Variants in SYT14 observed in about 807,000 individuals in gnomAD.
SYT14 encodes synaptotagmin-14.
Under a neutral mutation model 74.2 loss-of-function variants are expected in SYT14, and 32 were observed. That is an observed-to-expected ratio of 0.43 (90% CI 0.33 to 0.58). SYT14 has a LOEUF of 0.58. Among genes scored for constraint, SYT14 ranks in the 20% least tolerant of loss-of-function variants. The pLI, the probability that SYT14 is intolerant of heterozygous loss-of-function variation, is 0.05. For synonymous variants in SYT14, 298 were observed against 337.7 expected (o/e 0.88, Z 1.29); for missense variants, 791 against 981.8 (o/e 0.81, Z 2.60).
chr1:210,080,223 T>G (rs1347492825), intron 5 of SYT14, among the ~76,000 whole-genome samples: 1 of 152,232 alleles, frequency 6.6e-6, no homozygotes, highest in Non-Finnish European at 1.5e-5. Context: ...GGAACACTTG[T>G]CATTTCATTT....
intron 5 of SYT14, among the ~76,000 whole-genome samples, chr1:210,062,413 A>G (rs530505416): frequency 1.3e-5 from 2 of 151,708 alleles, no homozygotes; most frequent in East Asian, 1.9e-4. Context: ...TTTTTTTTCT[A>G]ATTTGTCAAA....
chr1:210,134,258 A>T (rs577121512), intron 7 of SYT14, among the ~76,000 whole-genome samples: 1 of 151,976 alleles, frequency 6.6e-6, no homozygotes, highest in East Asian at 1.9e-4. Context: ...GCATGCCACC[A>T]CACCTGGCTA....
chr1:210,082,214 C>T (rs145729714), intron 5 of SYT14, among the ~76,000 whole-genome samples: 1 of 152,216 alleles, frequency 6.6e-6, no homozygotes, highest in Non-Finnish European at 1.5e-5. Flanking sequence ...GTATTGGAAA[C>T]GTAAATGTTT....
intron 5 of SYT14, among the ~76,000 whole-genome samples, chr1:210,068,450 A>G (rs1283698030): frequency 6.6e-6 from 1 of 151,388 alleles, no homozygotes; most frequent in East Asian, 1.9e-4. Context: ...GCTTTTTTTC[A>G]TTTCTCTAGA....
At chr1:210,167,618 AT>A in exon 10 of SYT14, 1 of 152,288 alleles carries the variant, frequency 6.6e-6, no homozygotes, top group South Asian at 2.1e-4. Flanking sequence ...GCTTATTTGA[AT>A]ATGTGAAATA....
intron 7 of SYT14, among the ~76,000 whole-genome samples, chr1:210,149,180 A>ATTTTT (rs34134939): frequency 7.4e-5 from 8 of 108,510 alleles, no homozygotes; most frequent in African/African-American, 2.7e-4. Context: ...TATAGCAGGA[A>ATTTTT]TTTTTTTTTT....
At chr1:210,091,565 C>T (rs1212847859) in intron 5 of SYT14, among the ~76,000 whole-genome samples, 1 of 152,110 alleles carries the variant, frequency 6.6e-6, no homozygotes, top group East Asian at 1.9e-4. Flanking sequence ...TGGCTCATGC[C>T]TATAGTTCCA....
intron 5 of SYT14, among the ~76,000 whole-genome samples, 154 bp from the exon 5 acceptor site, chr1:210,094,168 G>A (rs184290663): frequency 6.4e-4 from 97 of 152,124 alleles, no homozygotes; most frequent in African/African-American, 2.2e-3. Context: ...TTGTGCCTCT[G>A]AACTAGGGAA....
intron 9 of SYT14, 88 bp downstream of exon 8, chr1:210,159,565 A>G: frequency 1.7e-6 from 2 of 1,189,540 alleles, no homozygotes. Context: ...GCTGTCCACC[A>G]TGTTGGTTTC....
intron 2 of SYT14, among the ~76,000 whole-genome samples, chr1:210,009,843 T>G (rs1165379975): frequency 6.6e-6 from 1 of 152,174 alleles, no homozygotes; most frequent in Admixed American, 6.5e-5. Flanking sequence ...AATGCCTTTC[T>G]TCTCATATCC....
At position 210,000,613 on chromosome 1, in the gene SYT14, C is replaced by CTTTTTTTTTTTTTTTTTTTT. The variant is rs71146203; in HGVS notation, c.-485-13001_-485-13000insTTTTTTTTTTTTTTTTTTTT. Among the ~76,000 whole-genome samples, 57 of 105,418 alleles carry CTTTTTTTTTTTTTTTTTTTT rather than the reference C, an allele frequency of 5.4e-4. 8 individuals are homozygous for CTTTTTTTTTTTTTTTTTTTT. The highest frequency in any genetic ancestry group is 4.4e-3 in the Admixed American group (35 of 7,880). 69.2% of individuals were successfully genotyped at this position (105,418 alleles called of 152,430 possible). A position where few individuals can be genotyped will look rare whatever the true frequency, so the allele number is the denominator to read the frequency against. On this transcript the variant is annotated intron_variant, in intron 2 of 9. Coordinates refer to ENST00000637265, the Ensembl canonical transcript of SYT14. ...TTTCATTAGGGCTGTTTTATGCCTT[C>CTTTTTTTTTTTTTTTTTTTT]TTTTTTTTTTTTTTTTTTTGAGATA...
At chr1:210,157,363 G>A (rs1226925816) in intron 8 of SYT14, among the ~76,000 whole-genome samples, 1 of 151,690 alleles carries the variant, frequency 6.6e-6, no homozygotes, top group Non-Finnish European at 1.5e-5. Context: ...GATCGCTTGA[G>A]CCAGGGAGAT....
chr1:210,146,376 C>T (rs989088099), intron 7 of SYT14, among the ~76,000 whole-genome samples: 1 of 151,962 alleles, frequency 6.6e-6, no homozygotes, highest in Admixed American at 6.6e-5. Context: ...ATTATTTTTG[C>T]AACTGGCCTG....
intron 7 of SYT14, among the ~76,000 whole-genome samples, chr1:210,121,769 G>A (rs995834756): frequency 6.6e-6 from 1 of 151,170 alleles, no homozygotes; most frequent in Non-Finnish European, 1.5e-5. Flanking sequence ...ACTCTAGCCT[G>A]GGCGACAGAG....
chr1:210,074,999 G>T (rs1029231064), intron 5 of SYT14, among the ~76,000 whole-genome samples: 1 of 152,186 alleles, frequency 6.6e-6, no homozygotes, highest in Non-Finnish European at 1.5e-5. Context: ...CAGATTACAC[G>T]TGGGCTTGGA....
At chr1:210,147,005 C>T (rs1024684085) in intron 7 of SYT14, among the ~76,000 whole-genome samples, 3 of 151,900 alleles carry the variant, frequency 2.0e-5, no homozygotes, top group African/African-American at 7.3e-5. Flanking sequence ...AAGATGAACT[C>T]ACATTTTAAA....
At chr1:210,022,097 T>C (rs1477261330) in intron 5 of SYT14, among the ~76,000 whole-genome samples, 1 of 152,228 alleles carries the variant, frequency 6.6e-6, no homozygotes, top group Non-Finnish European at 1.5e-5. Flanking sequence ...ATCCTAGATA[T>C]CATTTTTATC....
Position 209,956,724 on chromosome 1 carries a change from A to G in SYT14, c.-486+3968A>G, listed in dbSNP as rs373245931. Among the ~76,000 whole-genome samples, 153 of 152,286 alleles carry G rather than the reference A, an allele frequency of 1.0e-3. No homozygotes were observed. In the Middle Eastern group the frequency reaches 0.01, roughly 10 times the overall value. On this transcript the variant is annotated intron_variant, in intron 2 of 9. Coordinates refer to ENST00000637265, the Ensembl canonical transcript of SYT14. ...TCCTTGCCATAGTCTTACATGCTCT[A>G]TATATGCTAATGGTGACCATCTGGA...
chr1:209,987,609 G>A (rs1482470225), intron 2 of SYT14, among the ~76,000 whole-genome samples: 1 of 152,136 alleles, frequency 6.6e-6, no homozygotes, highest in Non-Finnish European at 1.5e-5. Flanking sequence ...CTCCAACACT[G>A]GTAATTACAT....
Sources: allele counts gnomAD v4.1 joint callset (sites outside exome capture counted in the v4.1 genomes callset), GRCh38; gene constraint gnomAD v4.1.1; transcripts MANE v1.5; gene names NCBI Gene and HGNC (gene_info 2026-07-23, HGNC 2026-07-21).